MRPS5: variants seen among roughly 807,000 people sequenced by gnomAD.
MRPS5 encodes small ribosomal subunit protein uS5m.
Under a neutral mutation model 51.9 loss-of-function variants are expected in MRPS5, and 27 were observed. That is an observed-to-expected ratio of 0.52 (90% CI 0.38 to 0.72). MRPS5 has a LOEUF of 0.72. Among genes scored for constraint, MRPS5 ranks in the 30% least tolerant of loss-of-function variants. The pLI, the probability that MRPS5 is intolerant of heterozygous loss-of-function variation, is 0.00. For synonymous variants in MRPS5, 196 were observed against 193.2 expected, an observed-to-expected ratio of 1.01 and a Z score of -0.12; for missense variants, 570 against 545.7, an observed-to-expected ratio of 1.04 and a Z score of -0.44.
rs771514319 is a variant in MRPS5 at position 95,108,456 on chromosome 2, T to C, written c.404-48A>G. The C allele has an allele frequency of 3.4e-6, 5 of 1,484,594 alleles. No homozygotes were observed. In the African/African-American group the frequency reaches 4.2e-5, roughly 13 times the overall value. 92.0% of individuals were successfully genotyped at this position (1,484,594 alleles called of 1,614,324 possible). ...AATAATTTTGTTAAAGTACTCATTTTTCAAGTGTTAAAATGTCAGGCAATG... is the reference window on the plus strand; with the variant it reads ...AATAATTTTGTTAAAGTACTCATTTCTCAAGTGTTAAAATGTCAGGCAATG... On this transcript the variant is annotated intron_variant, in intron 4 of 11. Transcript: ENST00000272418.
intron 10 of MRPS5, 195 bp from the exon 11 acceptor site, chr2:95,090,717 C>G: frequency 5.2e-6 from 3 of 574,416 alleles, no homozygotes; most frequent in Non-Finnish European, 9.2e-6. Context: ...CAGGATACTA[C>G]AAGGATTAAG....
intron 6 of MRPS5, among the ~76,000 whole-genome samples, chr2:95,105,767 A>C (rs1181823997): frequency 1.3e-5 from 2 of 152,232 alleles, no homozygotes; most frequent in East Asian, 3.8e-4. Flanking sequence ...AAGACATAAT[A>C]TGTGTAAACA....
chr2:95,098,987 C>T (rs1334831290), intron 10 of MRPS5, among the ~76,000 whole-genome samples: 5 of 147,832 alleles, frequency 3.4e-5, no homozygotes, highest in Admixed American at 2.0e-4. Context: ...GGTGATATCT[C>T]GGCTCACTGC....
chr2:95,111,435 T>C (rs1676113753), intron 3 of MRPS5, among the ~76,000 whole-genome samples: 1 of 152,102 alleles, frequency 6.6e-6, no homozygotes, highest in South Asian at 2.1e-4. Flanking sequence ...AAATCACTCA[T>C]TAAGATGAAA....
intron 1 of MRPS5, 80 bp downstream of exon 1, chr2:95,121,654 C>A: frequency 1.4e-6 from 2 of 1,453,022 alleles, no homozygotes; most frequent in African/African-American, 2.9e-5. Context: ...CTTCCCTCCG[C>A]CCCGACTTCT....
In MRPS5 at chr2:95,100,524, A is replaced by G. The variant is rs756730754; in HGVS notation, c.881T>C (p.Ile294Thr). Residue 294 changes from isoleucine to threonine, a missense_variant, in exon 10 of 12, where the codon ATT becomes ACT. Ile to Thr is a moderately conservative substitution (Grantham distance 89). Coordinates refer to ENST00000272418, the MANE Select transcript of MRPS5 (RefSeq NM_031902.5). ...ATGCGTCCTTTTAAATCTTAATGAAATATCATGGAATACTGGAGGGTAAAA... is the reference window on the plus strand; with the variant it reads ...ATGCGTCCTTTTAAATCTTAATGAAGTATCATGGAATACTGGAGGGTAAAA... ...RYEDHTIFHD[I>T]SLRFKRTHIK... The G allele has an allele frequency of 1.2e-6, 2 of 1,606,162 alleles. No homozygotes were observed. The highest frequency in any genetic ancestry group is 1.7e-5 in the Admixed American group (1 of 59,946).
At chr2:95,120,127 TA>T (rs1191550568) in intron 1 of MRPS5, among the ~76,000 whole-genome samples, 2 of 151,966 alleles carry the variant, frequency 1.3e-5, no homozygotes, top group Admixed American at 6.6e-5. Context: ...CCAACAGAAA[TA>T]AAAATATACT....
rs1243074300 is a variant in MRPS5 at position 95,101,613 on chromosome 2, T to C, written c.810+64A>G. ...ATTATTATTGTTTTGTGGTTCCCACTGTGTCTGGCATATAACTTACTAATC... is the reference window on the plus strand; with the variant it reads ...ATTATTATTGTTTTGTGGTTCCCACCGTGTCTGGCATATAACTTACTAATC... On this transcript the variant is annotated intron_variant, in intron 8 of 11. Transcript: ENST00000272418. 2.3e-6 allele frequency: 3 copies of C among 1,290,566 alleles called. No homozygotes were observed. The East Asian group carries it at 7.2e-5, about 31-fold the overall frequency. The allele number at this position is 1,290,566 out of a possible 1,614,324, so 79.9% of individuals were successfully genotyped here. A position where few individuals can be genotyped will look rare whatever the true frequency, so the allele number is the denominator to read the frequency against.
intron 1 of MRPS5, among the ~76,000 whole-genome samples, chr2:95,119,089 CAT>C (rs959551985): frequency 1.3e-5 from 2 of 152,070 alleles, no homozygotes; most frequent in African/African-American, 4.8e-5. Context: ...TTTTGCAAAT[CAT>C]ATATATGATA....
At chr2:95,088,241 T>G (rs1423669736) in intron 11 of MRPS5, among the ~76,000 whole-genome samples, 1 of 152,194 alleles carries the variant, frequency 6.6e-6, no homozygotes. Flanking sequence ...ATAATAGTAT[T>G]ACAGGGTATT....
At chr2:95,098,272 G>A (rs1208988367) in intron 10 of MRPS5, among the ~76,000 whole-genome samples, 21 of 152,216 alleles carry the variant, frequency 1.4e-4, no homozygotes, top group Admixed American at 1.4e-3. Context: ...CATTGTGGAA[G>A]ATAGTGTGGC....
chr2:95,109,957 T>C lies in MRPS5; in HGVS notation c.362A>G (p.Lys121Arg). Reference sequence around the variant, plus strand: ...ACCCCTGTTCAGATCCTTTCTTTTCTTCTTTTTAGTTCTTTTGCCTCTTCC... The same window carrying C: ...ACCCCTGTTCAGATCCTTTCTTTTCCTCTTTTTAGTTCTTTTGCCTCTTCC... ...KKGRGKRTKK[K>R]KRKDLNRGQI... Residue 121 changes from lysine to arginine, a missense_variant, in exon 4 of 12, where the codon AAG (lysine) becomes AGG (arginine). By Grantham distance (26) the Lys-to-Arg change is conservative (BLOSUM62 2). Coordinates refer to ENST00000272418, the MANE Select transcript of MRPS5 (RefSeq NM_031902.5). The C allele has an allele frequency of 6.2e-7, 1 of 1,614,050 alleles. No homozygotes were observed. The highest frequency in any genetic ancestry group is 8.5e-7 in the Non-Finnish European group (1 of 1,180,010).
intron 1 of MRPS5, among the ~76,000 whole-genome samples, chr2:95,119,419 G>A (rs1676377629): frequency 6.6e-6 from 1 of 151,096 alleles, no homozygotes; most frequent in Non-Finnish European, 1.5e-5. Flanking sequence ...AAACCAGCCT[G>A]GTCAACATTG....
intron 2 of MRPS5, among the ~76,000 whole-genome samples, chr2:95,116,627 C>T (rs770901037): frequency 1.3e-5 from 2 of 152,226 alleles, no homozygotes; most frequent in African/African-American, 2.4e-5. Flanking sequence ...TGTTCTTATT[C>T]TCTGAATTAT....
intron 3 of MRPS5, among the ~76,000 whole-genome samples, chr2:95,114,069 G>A (rs1227712517): frequency 5.4e-5 from 7 of 129,330 alleles, no homozygotes; most frequent in African/African-American, 1.5e-4. Context: ...GCAGTGAGCC[G>A]AGATCGCACT....
At position 95,101,745 on chromosome 2, in the gene MRPS5, TAAGAA is replaced by T. The variant is rs541544096; in HGVS notation, c.764-27_764-23del. The T allele has an allele frequency of 2.6e-3, 4,149 of 1,579,556 alleles. 31 individuals carry two copies. The highest frequency in any genetic ancestry group is 2.9e-3 in the Non-Finnish European group (3,334 of 1,165,254). On this transcript the variant is annotated intron_variant, in intron 7 of 11. Transcript: ENST00000272418. Reference sequence around the variant, plus strand: ...AAACCTTTAAACAAAAAAGCAAAAATAAGAAAAGAGACAGAAATTTTGCCCATGTG... The same window carrying T: ...AAACCTTTAAACAAAAAAGCAAAAATAAGAGACAGAAATTTTGCCCATGTG...
chr2:95,100,872 T>C lies in MRPS5; in HGVS notation c.833A>G (p.His278Arg), dbSNP rs1199982000. The part of the protein sequence containing the change: ...FRKAKNRAVH[H>R]LHYIERYEDH... The stretch of plus-strand genomic sequence containing the variant: ...TTCATATCGTTCTATATAATGCAAA[T>C]GGTGAACTGCTCTGTTCTTTGCCTG... Residue 278 changes from histidine to arginine, a missense_variant, in exon 9 of 12, where the codon CAT (histidine) becomes CGT (arginine). Coordinates refer to ENST00000272418, the MANE Select transcript of MRPS5 (RefSeq NM_031902.5). 3.7e-6 allele frequency: 6 copies of C among 1,609,140 alleles called. No homozygotes were observed. The highest frequency in any genetic ancestry group is 1.7e-5 in the Admixed American group (1 of 59,454).
chr2:95,101,780 T>C, intron 7 of MRPS5, 57 bp from the exon 8 acceptor site: 1 of 1,266,478 alleles, frequency 7.9e-7, no homozygotes, highest in Non-Finnish European at 1.1e-6. Flanking sequence ...CATGTGGTTT[T>C]TGCCACATTT....
At chr2:95,093,848 C>T (rs928722799) in intron 10 of MRPS5, among the ~76,000 whole-genome samples, 14 of 152,154 alleles carry the variant, frequency 9.2e-5, no homozygotes, top group South Asian at 2.1e-4. Flanking sequence ...CCCAGCTCCT[C>T]GCCAGCAACA....
Sources: gnomAD v4.1 joint callset for allele counts (sites outside exome capture counted in the v4.1 genomes callset) on GRCh38, gnomAD v4.1.1 for gene constraint, MANE v1.5 for transcripts, NCBI Gene and HGNC (gene_info 2026-07-23, HGNC 2026-07-21) for gene names.